The following ZDBF2 variants were observed in gnomAD, a reference collection of about 807,000 sequenced individuals.
ZDBF2 encodes the protein zinc finger DBF-type containing 2.
A neutral mutation model predicts 9.4 loss-of-function variants in ZDBF2; 6 were observed. The observed-to-expected ratio is 0.64, with a 90% CI of 0.35 to 1.27. The LOEUF (loss-of-function observed/expected upper bound fraction) is 1.27. Ranked by LOEUF, ZDBF2 falls within the 50% of genes most tolerant of loss-of-function variation. The pLI, the probability that ZDBF2 is intolerant of heterozygous loss-of-function variation, is 0.03. For missense variants in ZDBF2, 2,697 were observed against 2,766.8 expected (o/e 0.97, Z 0.57); for synonymous variants, 905 against 946.3 (o/e 0.96, Z 0.80).
At position 206,310,599 on chromosome 2, in the gene ZDBF2, G is replaced by A. The variant is rs2105970926; in HGVS notation, c.6071G>A (p.Gly2024Asp). 1.2e-6 allele frequency: 2 copies of A among 1,610,432 alleles called. No homozygotes were observed. Among genetic ancestry groups the A allele is most frequent in the East Asian group, 2.2e-5 (1 of 44,806 alleles). Residue 2024 changes from glycine to aspartate, a missense_variant, in exon 5 of 5, where the codon GGC (glycine) becomes GAC (aspartate). Physicochemically the swap from Gly to Asp is moderately conservative, Grantham distance 94 (BLOSUM62 -1). Coordinates refer to ENST00000374423, the MANE Select transcript of ZDBF2 (RefSeq NM_020923.3). ...SLNIKLKEGE[G>D]LPFPKMRHHS... is the part of the protein sequence containing the mutation. ...AATATTAAACTGAAAGAGGGTGAAG[G>A]CCTTCCTTTCCCTAAAATGAGGCAC...
Position 206,310,814 on chromosome 2 carries a change from G to C in ZDBF2, c.6286G>C (p.Asp2096His). 6.2e-7 allele frequency: 1 copy of C among 1,613,986 alleles called. No individual in the cohort carries two copies. The highest frequency in any genetic ancestry group is 8.5e-7 in the Non-Finnish European group (1 of 1,179,894). Reference protein sequence around the residue: ...SNQNSSAGDNDADGQGSASAP... With the variant: ...SNQNSSAGDNHADGQGSASAP... ...CCAAAACTCCAGTGCAGGAGATAAT[G>C]ATGCTGATGGACAAGGCTCTGCTTC... Residue 2096 changes from aspartate (D) to histidine (H), a missense_variant, in exon 5 of 5, where the codon GAT (aspartate) becomes CAT (histidine). Physicochemically the swap from Asp to His is moderately conservative, Grantham distance 81. Around this residue, in one of 3 missense-constraint regions of ZDBF2, gnomAD observed 1,783 missense variants for 1,776.5 expected, o/e 1.00. Coordinates refer to ENST00000374423, the MANE Select transcript of ZDBF2 (RefSeq NM_020923.3).
At chr2:206,297,495 A>G in intron 4 of ZDBF2, 122 bp downstream of exon 4, 2 of 993,420 alleles carry the variant, frequency 2.0e-6, no homozygotes, top group Non-Finnish European at 1.4e-6. Flanking sequence ...GTAAAATTTT[A>G]GTAACTTTCA....
chr2:206,307,100 A>C lies in ZDBF2; in HGVS notation c.2572A>C (p.Ile858Leu). 6.2e-7 allele frequency: 1 copy of C among 1,611,984 alleles called. No individual in the cohort carries two copies. The highest frequency in any genetic ancestry group is 8.5e-7 in the Non-Finnish European group (1 of 1,179,298). ...VKEVIQKEEY[I>L]HLERKNDEPS... ...AGAAGTAATTCAGAAAGAAGAGTAC[A>C]TTCACTTAGAAAGGAAGAATGATGA... is the stretch of plus-strand genomic sequence containing the variant. The change falls in exon 5 of 5, where the codon ATT becomes CTT. Residue 858 changes from isoleucine to leucine, a missense_variant. Ile to Leu is a conservative substitution (Grantham distance 5, BLOSUM62 2). This residue lies in a region of ZDBF2 where 1,783 missense variants were observed against 1,776.5 expected (regional missense o/e 1.00). Coordinates refer to ENST00000374423, the MANE Select transcript of ZDBF2 (RefSeq NM_020923.3).
At position 206,310,778 on chromosome 2, in the gene ZDBF2, A is replaced by G; in HGVS notation, c.6250A>G (p.Asn2084Asp). 1 of 1,614,002 alleles carries G rather than the reference A, an allele frequency of 6.2e-7. No homozygotes were observed. The highest frequency in any genetic ancestry group is 8.5e-7 in the Non-Finnish European group (1 of 1,179,896). Residue 2084 changes from asparagine (N) to aspartate (D), a missense_variant, in exon 5 of 5, where the codon AAT becomes GAT. Coordinates refer to ENST00000374423, the MANE Select transcript of ZDBF2 (RefSeq NM_020923.3). Reference sequence around the variant, plus strand: ...GCGTAACTGGGTTAAAATTCATTTTAATAGGAGCAACCAAAACTCCAGTGC... The same window carrying G: ...GCGTAACTGGGTTAAAATTCATTTTGATAGGAGCAACCAAAACTCCAGTGC... ...ERRNWVKIHF[N>D]RSNQNSSAGD...
At position 206,306,363 on chromosome 2, in the gene ZDBF2, T is replaced by A; in HGVS notation, c.1835T>A (p.Leu612Gln). The stretch of plus-strand genomic sequence containing the variant: ...AACCTGAAAGGTAGACAAGTCCACC[T>A]AAAACATAAGAAGCGTAAACCCAGT... ...GRNLKGRQVH[L>Q]KHKKRKPSSA... The change falls in exon 5 of 5, where the codon CTA becomes CAA. Residue 612 changes from leucine (L) to glutamine (Q), a missense_variant. Leu to Gln is a moderately radical substitution (Grantham distance 113, BLOSUM62 -2). This residue lies in a region of ZDBF2 where 910 missense variants were observed against 973.6 expected (regional missense o/e 0.93). Coordinates refer to ENST00000374423, the MANE Select transcript of ZDBF2 (RefSeq NM_020923.3). 4 of 1,613,766 alleles carry A rather than the reference T, an allele frequency of 2.5e-6. No individual in the cohort carries two copies. Among genetic ancestry groups the A allele is most frequent in the Non-Finnish European group, 3.4e-6 (4 of 1,179,810 alleles).
intron 4 of ZDBF2, among the ~76,000 whole-genome samples, chr2:206,303,780 AT>A (rs199589547): frequency 0.017 from 2,551 of 151,976 alleles, 51 homozygotes; most frequent in African/African-American, 0.043. Flanking sequence ...TAAGTGCATT[AT>A]TTTTTTCCCT....
In ZDBF2 at chr2:206,307,374, A is replaced by G. The variant is rs1222647765; in HGVS notation, c.2846A>G (p.Glu949Gly). 1.2e-6 allele frequency: 2 copies of G among 1,613,326 alleles called. No individual in the cohort carries two copies. The highest frequency in any genetic ancestry group is 1.7e-5 in the Admixed American group (1 of 59,894). The stretch of plus-strand genomic sequence containing the variant: ...CACACAAAAGAGCACATGTACTTAG[A>G]AAATAAGAGTGTTTTTGAAACAAGT... Reference protein sequence around the residue: ...SLHTKEHMYLENKSVFETSLD... With the variant: ...SLHTKEHMYLGNKSVFETSLD... The change falls in exon 5 of 5, where the codon GAA becomes GGA. Residue 949 changes from glutamate (E) to glycine (G), a missense_variant. By Grantham distance (98) the Glu-to-Gly change is moderately conservative (BLOSUM62 -2). Coordinates refer to ENST00000374423, the MANE Select transcript of ZDBF2 (RefSeq NM_020923.3).
intron 3 of ZDBF2, among the ~76,000 whole-genome samples, chr2:206,291,066 T>C (rs1336141071): frequency 6.6e-6 from 1 of 152,234 alleles, no homozygotes; most frequent in Non-Finnish European, 1.5e-5. Flanking sequence ...TGTGTTTTTT[T>C]CCTTTAGTCT....
chr2:206,292,243 A>G (rs900143116), intron 3 of ZDBF2: 3 of 395,130 alleles, frequency 7.6e-6, no homozygotes, highest in Non-Finnish European at 1.3e-5. Flanking sequence ...AAAGAGAATA[A>G]AAGTAACAAG....
intron 1 of ZDBF2, among the ~76,000 whole-genome samples, chr2:206,275,882 C>T (rs953636435): frequency 4.6e-5 from 7 of 152,154 alleles, no homozygotes; most frequent in Admixed American, 4.6e-4. Context: ...AAGACCTTTT[C>T]TCTATCGTTT....
rs1692231877 is a variant in ZDBF2, at chr2:206,297,241, T to C, written c.61-5T>C. 1 of 1,222,978 alleles carries C rather than the reference T, an allele frequency of 8.2e-7. No homozygotes were observed. The highest frequency in any genetic ancestry group is 2.3e-5 in the East Asian group (1 of 42,700). 75.8% of individuals were successfully genotyped at this position (1,222,978 alleles called of 1,614,324 possible). A position where few individuals can be genotyped will look rare whatever the true frequency, so the allele number is the denominator to read the frequency against. On this transcript the variant is annotated splice_polypyrimidine_tract_variant and splice_region_variant and intron_variant, in intron 3 of 4. Transcript: ENST00000374423. Reference sequence around the variant, plus strand: ...AAAAATATTCCATTTCTTTTTTCTTTATAGCATTTGTTCAGTGCTCAGCAC... The same window carrying C: ...AAAAATATTCCATTTCTTTTTTCTTCATAGCATTTGTTCAGTGCTCAGCAC...
At chr2:206,298,454 G>T (rs1692316612) in intron 4 of ZDBF2, among the ~76,000 whole-genome samples, 1 of 152,174 alleles carries the variant, frequency 6.6e-6, no homozygotes, top group Non-Finnish European at 1.5e-5. Context: ...AAACAAGATG[G>T]TTTCTTAGCT....
In ZDBF2 at chr2:206,309,207, T is replaced by C. The variant is rs774608958; in HGVS notation, c.4679T>C (p.Ile1560Thr). 2.5e-6 allele frequency: 4 copies of C among 1,607,106 alleles called. No homozygotes were observed. The highest frequency in any genetic ancestry group is 2.2e-5 in the East Asian group (1 of 44,760). The stretch of plus-strand genomic sequence containing the variant: ...CCACCTCAGTTGACTGTCAAAGATA[T>C]CAGCTGTATAAATACAGAATGTATT... Reference protein sequence around the residue: ...TDPPQLTVKDISCINTECIDI... With the variant: ...TDPPQLTVKDTSCINTECIDI... The change falls in exon 5 of 5, where the codon ATC (isoleucine) becomes ACC (threonine). Residue 1560 changes from isoleucine (I) to threonine (T), a missense_variant. By Grantham distance (89) the Ile-to-Thr change is moderately conservative (BLOSUM62 -1). Around this residue, in one of 3 missense-constraint regions of ZDBF2, gnomAD observed 1,783 missense variants for 1,776.5 expected, o/e 1.00. Transcript: ENST00000374423.
intron 1 of ZDBF2, among the ~76,000 whole-genome samples, chr2:206,278,189 A>C (rs1417148952): frequency 1.3e-5 from 2 of 152,186 alleles, no homozygotes; most frequent in Non-Finnish European, 2.9e-5. Context: ...TTATTTTTAT[A>C]ATTGTACTAT....
At position 206,309,922 on chromosome 2, in the gene ZDBF2, A is replaced by C; in HGVS notation, c.5394A>C (p.Val1798=). The C allele has an allele frequency of 1.2e-6, 2 of 1,613,930 alleles. No individual in the cohort carries two copies. The highest frequency in any genetic ancestry group is 8.5e-7 in the Non-Finnish European group (1 of 1,179,872). ...GCTCTGTTCTCAAGGTTGATTCTGT[A>C]AGGAACCTGAAAAAAGCAAAGGATG... The part of the protein sequence containing the change: ...QSSSVLKVDS[V]RNLKKAKDVI... Residue 1798 remains valine, a synonymous_variant, in exon 5 of 5, where the codon GTA becomes GTC. Transcript: ENST00000374423.
chr2:206,306,917 C>T lies in ZDBF2; in HGVS notation c.2389C>T (p.Pro797Ser), dbSNP rs769909837. 6.2e-7 allele frequency: 1 copy of T among 1,613,644 alleles called. No homozygotes were observed. The highest frequency in any genetic ancestry group is 8.5e-7 in the Non-Finnish European group (1 of 1,179,760). ...SSEITFDSDIPLYSVIDQPEV... is the reference protein window; with the variant it reads ...SSEITFDSDISLYSVIDQPEV... ...TGAAATAACTTTTGATTCTGATATT[C>T]CTCTTTATTCAGTAATTGACCAACC... Residue 797 changes from proline (P) to serine (S), a missense_variant, in exon 5 of 5, where the codon CCT (proline) becomes TCT (serine). Physicochemically the swap from Pro to Ser is moderately conservative, Grantham distance 74. This residue lies in a region of ZDBF2 where 910 missense variants were observed against 973.6 expected (regional missense o/e 0.93). Transcript: ENST00000374423.
chr2:206,287,522 C>G (rs1049534804), intron 3 of ZDBF2, among the ~76,000 whole-genome samples: 1 of 152,174 alleles, frequency 6.6e-6, no homozygotes, highest in Non-Finnish European at 1.5e-5. Flanking sequence ...TGACCTTTGA[C>G]AGTTTATAAT....
rs1487803979 is a variant in ZDBF2 at position 206,289,779 on chromosome 2, A to G, written c.61-7467A>G. Among the ~76,000 whole-genome samples, 3 of 152,082 alleles carry G rather than the reference A, an allele frequency of 2.0e-5. No homozygotes were observed. In the East Asian group the frequency reaches 5.8e-4, roughly 29 times the overall value. On this transcript the variant is annotated intron_variant, in intron 3 of 4. Transcript: ENST00000374423. Reference sequence around the variant, plus strand: ...TGTCCCTGTGGGGACTGCAGGGGTGAGGTCTGTAGGTGTCCAAGGTGTTAA... The same window carrying G: ...TGTCCCTGTGGGGACTGCAGGGGTGGGGTCTGTAGGTGTCCAAGGTGTTAA...
intron 3 of ZDBF2, among the ~76,000 whole-genome samples, chr2:206,285,730 T>C (rs559797740): frequency 6.6e-6 from 1 of 152,340 alleles, no homozygotes; most frequent in Admixed American, 6.5e-5. Flanking sequence ...CCCAGACCAC[T>C]GTCCCAAAGC....
Sources: allele counts gnomAD v4.1 joint callset (sites outside exome capture counted in the v4.1 genomes callset), GRCh38; gene constraint gnomAD v4.1.1; regional missense constraint gnomAD v4.1.1; transcripts MANE v1.5; gene names NCBI Gene and HGNC (gene_info 2026-07-23, HGNC 2026-07-21).